ANKS1B: variants seen among roughly 807,000 people sequenced by gnomAD.
ANKS1B encodes the protein ankyrin repeat and sterile alpha motif domain containing 1B, also known as ankyrin repeat and sterile alpha motif domain-containing protein 1B.
In ANKS1B, 36 loss-of-function variants were observed where a neutral mutation model predicts 148.3. The observed-to-expected ratio is 0.24, with a 90% CI of 0.19 to 0.32. The LOEUF (loss-of-function observed/expected upper bound fraction) is 0.32, where lower values mean the gene tolerates loss of function less well. Ranked by LOEUF, ANKS1B falls within the 10% of genes least tolerant of loss-of-function variation. The pLI is 1.00. For missense variants in ANKS1B, 1,157 were observed against 1,542.6 expected (o/e 0.75, Z 4.19); for synonymous variants, 542 against 560.8 (o/e 0.97, Z 0.47).
chr12:99,372,602 G>A (rs1222270845), intron 12 of ANKS1B, among the ~76,000 whole-genome samples: 8 of 152,044 alleles, frequency 5.3e-5, no homozygotes, highest in Admixed American at 2.0e-4. Context: ...CTGTTAAATA[G>A]GGGTTTGTCA....
intron 17 of ANKS1B, among the ~76,000 whole-genome samples, chr12:98,956,959 T>A (rs1011687313): frequency 6.6e-6 from 1 of 152,222 alleles, no homozygotes; most frequent in African/African-American, 2.4e-5. Flanking sequence ...AAGAATCAGC[T>A]TACATCATTC....
chr12:98,782,162 G>A, intron 22 of ANKS1B, 25 bp from the exon 23 acceptor site: 1 of 1,589,764 alleles, frequency 6.3e-7, no homozygotes, highest in Admixed American at 1.7e-5. Flanking sequence ...AGTTAAGACA[G>A]ATGGGAACAT....
chr12:99,714,765 A>G (rs1239982804), intron 8 of ANKS1B, among the ~76,000 whole-genome samples: 1 of 152,088 alleles, frequency 6.6e-6, no homozygotes, highest in African/African-American at 2.4e-5. Context: ...AGACTGATAA[A>G]TAACCCTATA....
At chr12:99,243,107 A>G (rs2089658763) in intron 14 of ANKS1B, among the ~76,000 whole-genome samples, 1 of 152,244 alleles carries the variant, frequency 6.6e-6, no homozygotes, top group Admixed American at 6.5e-5. Flanking sequence ...GAATGCGAGA[A>G]AATTTTTGCA....
chr12:99,608,572 A>T (rs983212279), intron 9 of ANKS1B, among the ~76,000 whole-genome samples: 16 of 152,078 alleles, frequency 1.1e-4, no homozygotes, highest in African/African-American at 3.9e-4. Flanking sequence ...CCAAAAGTCA[A>T]ATGCCTTCTC....
chr12:99,009,859 C>CA (rs1272810859), intron 17 of ANKS1B, among the ~76,000 whole-genome samples: 1 of 147,278 alleles, frequency 6.8e-6, no homozygotes, highest in Non-Finnish European at 1.5e-5. Flanking sequence ...AAAAAACAAA[C>CA]AAAAAACCCA....
Position 98,745,024 on chromosome 12 carries a change from G to A in ANKS1B, c.*715C>T, listed in dbSNP as rs1442964161. 2.0e-6 allele frequency: 2 copies of A among 985,186 alleles called. No homozygotes were observed. The highest frequency in any genetic ancestry group is 2.4e-6 in the Non-Finnish European group (2 of 829,474). The allele number at this position is 985,186 out of a possible 1,614,324, so 61.0% of individuals were successfully genotyped here. ...CTAGTTTTCTTATCAATGCATTAAT[G>A]AAACATTCTTTTAATAAAAATATTT... is the stretch of plus-strand genomic sequence containing the variant. On this transcript the variant is annotated 3_prime_UTR_variant, in exon 27 of 27. Transcript: ENST00000683438.
At chr12:98,743,146 T>C (rs1565920363), downstream of ANKS1B, among the ~76,000 whole-genome samples, 1 of 152,208 alleles carries the variant, frequency 6.6e-6, no homozygotes, top group East Asian at 1.9e-4. Context: ...CAGGTGTGAA[T>C]TTTTATTGAT....
intron 10 of ANKS1B, among the ~76,000 whole-genome samples, chr12:99,491,320 C>T (rs1004663458): frequency 6.6e-6 from 1 of 151,468 alleles, no homozygotes; most frequent in African/African-American, 2.4e-5. Flanking sequence ...AAAAAAAAAG[C>T]TTAATTGTTA....
At chr12:99,578,354 C>T (rs1252520033) in intron 9 of ANKS1B, among the ~76,000 whole-genome samples, 1 of 151,976 alleles carries the variant, frequency 6.6e-6, no homozygotes, top group African/African-American at 2.4e-5. Context: ...AAGGTCCTAG[C>T]CAGAGCAATC....
intron 15 of ANKS1B, among the ~76,000 whole-genome samples, chr12:99,106,579 T>C (rs920924087): frequency 4.8e-4 from 73 of 152,360 alleles, no homozygotes; most frequent in Non-Finnish European, 7.8e-4. Context: ...TGTCTTTTTT[T>C]AAATGGGTAC....
intron 9 of ANKS1B, among the ~76,000 whole-genome samples, chr12:99,629,863 T>C (rs1272221179): frequency 6.6e-6 from 1 of 152,106 alleles, no homozygotes; most frequent in Non-Finnish European, 1.5e-5. Context: ...AGGTATAAGT[T>C]CCCTCTTTTA....
At chr12:99,310,389 A>G (rs148604425) in intron 12 of ANKS1B, among the ~76,000 whole-genome samples, 159 of 152,290 alleles carry the variant, frequency 1.0e-3, no homozygotes, top group South Asian at 6.2e-3. Flanking sequence ...AATGAGATTA[A>G]TGTTTGAATT....
intron 12 of ANKS1B, among the ~76,000 whole-genome samples, chr12:99,390,588 T>C (rs1389621966): frequency 6.6e-6 from 1 of 152,160 alleles, no homozygotes; most frequent in Non-Finnish European, 1.5e-5. Context: ...GAATGTAGCA[T>C]AATAAATAGG....
At chr12:98,945,493 TC>T in intron 17 of ANKS1B, among the ~76,000 whole-genome samples, 1 of 29,988 alleles carries the variant, frequency 3.3e-5, no homozygotes, top group Non-Finnish European at 5.2e-5. Flanking sequence ...AGACCCTGTC[TC>T]AACAAACAAA....
chr12:99,500,443 A>T (rs563933169), intron 10 of ANKS1B, among the ~76,000 whole-genome samples: 1 of 152,300 alleles, frequency 6.6e-6, no homozygotes, highest in East Asian at 1.9e-4. Flanking sequence ...TTTCAGCCAT[A>T]TGAGCTGGCC....
intron 1 of ANKS1B, among the ~76,000 whole-genome samples, chr12:99,939,784 T>C (rs184509977): frequency 6.6e-6 from 1 of 152,298 alleles, no homozygotes; most frequent in East Asian, 1.9e-4. Flanking sequence ...TGTTATAAAA[T>C]GTGAGATAAG....
At chr12:99,608,368 A>G (rs565004486) in intron 9 of ANKS1B, among the ~76,000 whole-genome samples, 5 of 152,118 alleles carry the variant, frequency 3.3e-5, no homozygotes, top group Non-Finnish European at 7.4e-5. Context: ...TGACCCAGTC[A>G]AACACCTGAG....
intron 8 of ANKS1B, among the ~76,000 whole-genome samples, chr12:99,712,169 G>C (rs1356356230): frequency 6.6e-6 from 1 of 152,144 alleles, no homozygotes; most frequent in Admixed American, 6.5e-5. Flanking sequence ...ACACAGAGGG[G>C]AACAACATAT....
Sources: allele counts gnomAD v4.1 joint callset (sites outside exome capture counted in the v4.1 genomes callset), GRCh38; gene constraint gnomAD v4.1.1; transcripts MANE v1.5; gene names NCBI Gene and HGNC (gene_info 2026-07-23, HGNC 2026-07-21).